SCRN3: variants seen among roughly 807,000 people sequenced by gnomAD.
SCRN3 encodes secernin-3.
A neutral mutation model predicts 43.1 loss-of-function variants in SCRN3; 39 were observed. That is an observed-to-expected ratio of 0.91 (90% CI 0.70 to 1.18). The LOEUF (loss-of-function observed/expected upper bound fraction) is 1.18, where lower values mean the gene tolerates loss of function less well. Ranked by LOEUF, SCRN3 falls within the 50% of genes most tolerant of loss-of-function variation. The probability of loss-of-function intolerance (pLI) is 0.00; values close to 1 mark genes in which losing one functional copy is unlikely to be tolerated. For missense variants in SCRN3, 484 were observed against 498.0 expected, an observed-to-expected ratio of 0.97 and a Z score of 0.27; for synonymous variants, 147 against 163.1, an observed-to-expected ratio of 0.90 and a Z score of 0.75.
intron 5 of SCRN3, chr2:174,410,048 C>G (rs12993294): frequency 0.16 from 25,435 of 158,058 alleles, 1,863 homozygotes; most frequent in Middle Eastern, 0.27. Flanking sequence ...GCGGGTGCCC[C>G]TCCCCCAGCC....
chr2:174,424,520 A>G lies in SCRN3; in HGVS notation c.963A>G (p.Leu321=). ...PFIFVPHISQ[L]LDTSSPTFEL... is the part of the protein sequence containing the mutation. The stretch of plus-strand genomic sequence containing the variant: ...TATTTGTGCCACATATTTCACAACT[A>G]TTGGATACCAGTTCACCAACATTTG... Residue 321 remains leucine (L), a synonymous_variant, in exon 7 of 8, where the codon CTA becomes CTG. Transcript: ENST00000272732. 1 of 1,612,852 alleles carries G rather than the reference A, an allele frequency of 6.2e-7. No homozygotes were observed. Among genetic ancestry groups the G allele is most frequent in the Non-Finnish European group, 8.5e-7 (1 of 1,179,148 alleles).
chr2:174,409,669 C>G (rs1685828439), intron 5 of SCRN3, among the ~76,000 whole-genome samples: 2 of 136,154 alleles, frequency 1.5e-5, no homozygotes, highest in South Asian at 4.7e-4. Context: ...GTTAGTTTTC[C>G]TTCTAACAGA....
intron 6 of SCRN3, 112 bp downstream of exon 6, chr2:174,423,159 T>C: frequency 1.4e-6 from 1 of 735,242 alleles, no homozygotes; most frequent in Non-Finnish European, 2.1e-6. Context: ...AGGACAATAA[T>C]TTTTAATATA....
downstream of SCRN3, among the ~76,000 whole-genome samples, chr2:174,429,803 G>A (rs1379507443): frequency 6.6e-6 from 1 of 151,890 alleles, no homozygotes; most frequent in Non-Finnish European, 1.5e-5. Flanking sequence ...CCAACCCCTG[G>A]CAACCACTGA....
chr2:174,400,183 C>A (rs1685458386), intron 3 of SCRN3, 80 bp downstream of exon 3: 2 of 1,129,056 alleles, frequency 1.8e-6, no homozygotes, highest in African/African-American at 1.7e-5. Flanking sequence ...TTTTATTTTC[C>A]TATTTTTGAG....
At chr2:174,397,496 C>A in intron 1 of SCRN3, 1 of 604,234 alleles carries the variant, frequency 1.7e-6, no homozygotes, top group Non-Finnish European at 2.1e-6. Flanking sequence ...ATTATATTGA[C>A]ATATTTTTGT....
chr2:174,424,781 C>G, intron 7 of SCRN3, 132 bp downstream of exon 7: 1 of 635,066 alleles, frequency 1.6e-6, no homozygotes, highest in Non-Finnish European at 2.7e-6. Context: ...GATGCTCAGA[C>G]TATAGTAGAG....
intron 5 of SCRN3, among the ~76,000 whole-genome samples, chr2:174,418,734 T>G (rs557317923): frequency 1.3e-4 from 20 of 152,328 alleles, no homozygotes; most frequent in African/African-American, 4.3e-4. Flanking sequence ...TTGAATCATT[T>G]TTAAGGCTCA....
chr2:174,419,037 C>A (rs1363100691), intron 5 of SCRN3, among the ~76,000 whole-genome samples: 1 of 152,056 alleles, frequency 6.6e-6, no homozygotes, highest in Non-Finnish European at 1.5e-5. Flanking sequence ...TAACTGAGGG[C>A]AGAACATTAG....
chr2:174,405,470 C>A (rs1685662059), intron 5 of SCRN3, among the ~76,000 whole-genome samples: 1 of 114,368 alleles, frequency 8.7e-6, no homozygotes, highest in Non-Finnish European at 1.9e-5. Flanking sequence ...AATTAGATCC[C>A]ATTTGTCAAT....
intron 5 of SCRN3, among the ~76,000 whole-genome samples, chr2:174,416,112 G>C (rs1331556559): frequency 1.3e-5 from 2 of 152,182 alleles, no homozygotes; most frequent in Non-Finnish European, 2.9e-5. Flanking sequence ...TTGGTCTGGG[G>C]TCCAGGGCCA....
intron 5 of SCRN3, among the ~76,000 whole-genome samples, chr2:174,418,814 AAT>A (rs1189745759): frequency 6.6e-6 from 1 of 152,124 alleles, no homozygotes; most frequent in African/African-American, 2.4e-5. Context: ...GTTTAGTTTT[AAT>A]ATTAAGGGCT....
chr2:174,398,424 C>T lies in SCRN3; in HGVS notation c.141C>T (p.Asn47=). Residue 47 remains asparagine, a synonymous_variant, in exon 2 of 8, where the codon AAC becomes AAT. Coordinates refer to ENST00000272732, the MANE Select transcript of SCRN3 (RefSeq NM_024583.5). ...ATTTTCCTGCTGTAGTTCATGATAA[C>T]CTGGGAGAACGTCTTAAGGTAGGTG... ...VVYFPAVVHD[N]LGERLKCTYI... 1 of 1,597,250 alleles carries T rather than the reference C, an allele frequency of 6.3e-7. No individual in the cohort carries two copies. Among genetic ancestry groups the T allele is most frequent in the African/African-American group, 1.4e-5 (1 of 73,986 alleles).
At chr2:174,418,023 C>A (rs1390350519) in intron 5 of SCRN3, among the ~76,000 whole-genome samples, 2 of 151,954 alleles carry the variant, frequency 1.3e-5, no homozygotes, top group African/African-American at 4.8e-5. Context: ...AACAACAATG[C>A]ATAATCAAGA....
intron 5 of SCRN3, among the ~76,000 whole-genome samples, chr2:174,408,439 G>C (rs200680215): frequency 1.4e-5 from 2 of 144,106 alleles, no homozygotes; most frequent in South Asian, 2.2e-4. Context: ...CTTTTAATTG[G>C]AGAATTTAGT....
At chr2:174,397,380 G>T in intron 1 of SCRN3, 2 of 963,374 alleles carry the variant, frequency 2.1e-6, no homozygotes, top group African/African-American at 3.5e-5. Flanking sequence ...GAAGATCTAA[G>T]ATTTTCCAAG....
intron 5 of SCRN3, among the ~76,000 whole-genome samples, chr2:174,422,567 C>T (rs1686328575): frequency 8.3e-6 from 1 of 120,302 alleles, no homozygotes; most frequent in Non-Finnish European, 1.9e-5. Context: ...AAGACTCTGT[C>T]TCAAAAAAAA....
At chr2:174,424,290 G>T (rs1686402823) in intron 6 of SCRN3, among the ~76,000 whole-genome samples, 185 bp from the exon 7 acceptor site, 1 of 152,166 alleles carries the variant, frequency 6.6e-6, no homozygotes, top group Non-Finnish European at 1.5e-5. Context: ...ATGGTTCCCT[G>T]CCCCAAAGGA....
Position 174,422,897 on chromosome 2 carries a change from T to C in SCRN3, c.767T>C (p.Phe256Ser). The part of the protein sequence containing the change: ...LLNKHKGNIT[F>S]ETMMEILRDK... ...ATTATTTCTCTAGGAAATATAACTT[T>C]TGAAACAATGATGGAAATTCTTCGA... The change falls in exon 6 of 8, where the codon TTT (phenylalanine) becomes TCT (serine). Residue 256 changes from phenylalanine (F) to serine (S), a missense_variant. Transcript: ENST00000272732. The C allele has an allele frequency of 6.2e-7, 1 of 1,606,034 alleles. No homozygotes were observed. Among genetic ancestry groups the C allele is most frequent in the Non-Finnish European group, 8.5e-7 (1 of 1,172,988 alleles).
Sources: gnomAD v4.1 joint callset for allele counts (sites outside exome capture counted in the v4.1 genomes callset) on GRCh38, gnomAD v4.1.1 for gene constraint, MANE v1.5 for transcripts, NCBI Gene and HGNC (gene_info 2026-07-23, HGNC 2026-07-21) for gene names.